Variants in PSMG4 observed in about 807,000 individuals in gnomAD.
PSMG4 encodes the protein proteasome (prosome, macropain) assembly chaperone 4.
A neutral mutation model predicts 11.0 loss-of-function variants in PSMG4; 10 were observed. The ratio of observed to expected loss-of-function variants is 0.91; its 90% CI spans 0.56 to 1.54. The LOEUF is 1.54. PSMG4 is among the 40% of genes most tolerant of loss of function. The pLI, the probability that PSMG4 is intolerant of heterozygous loss-of-function variation, is 0.00. For synonymous variants in PSMG4, 95 were observed against 71.3 expected (o/e 1.33, Z -1.68); for missense variants, 198 against 160.9 (o/e 1.23, Z -1.25).
upstream of PSMG4, among the ~76,000 whole-genome samples, chr6:3,254,451 C>G (rs527876323): frequency 1.1e-3 from 168 of 151,828 alleles, no homozygotes; most frequent in African/African-American, 4.0e-3. Flanking sequence ...TAGTTTTCTG[C>G]TTTTTTTGTG....
intron 1 of PSMG4, 110 bp from the exon 2 acceptor site, chr6:3,263,574 C>T (rs906300109): frequency 3.1e-6 from 3 of 963,334 alleles, no homozygotes; most frequent in Non-Finnish European, 4.5e-6. Flanking sequence ...CCTGTCCTCT[C>T]TGAACCTGCC....
Position 3,259,103 on chromosome 6 carries a change from C to A in PSMG4, c.81C>A (p.His27Gln). 1 of 1,277,466 alleles carries A rather than the reference C, an allele frequency of 7.8e-7. No homozygotes were observed. Among genetic ancestry groups the A allele is most frequent in the Non-Finnish European group, 9.9e-7 (1 of 1,010,470 alleles). 79.1% of individuals were successfully genotyped at this position (1,277,466 alleles called of 1,614,324 possible). A position where few individuals can be genotyped will look rare whatever the true frequency, so the allele number is the denominator to read the frequency against. ...FSARLWEQLV[H>Q]FHVMRLTDSL... ...CGAGGCTGTGGGAGCAGCTGGTCCA[C>A]TTCCACGTCATGCGGCTGACGGACT... The change falls in exon 1 of 3, where the codon CAC (histidine) becomes CAA (glutamine). Residue 27 changes from histidine (H) to glutamine (Q), a missense_variant. By Grantham distance (24) the His-to-Gln change is conservative (BLOSUM62 0). Coordinates refer to ENST00000438998, the MANE Select transcript of PSMG4 (RefSeq NM_001128591.2).
chr6:3,264,618 A>G lies in PSMG4; in HGVS notation c.250+859A>G, dbSNP rs1758116147. On this transcript the variant is annotated intron_variant, in intron 2 of 2. Transcript: ENST00000438998. ...ACAGTATGTGGATAGGACAGAGGTCAGGGAGGGCACAGGTCAGCATTTCAG... is the reference window on the plus strand; with the variant it reads ...ACAGTATGTGGATAGGACAGAGGTCGGGGAGGGCACAGGTCAGCATTTCAG... The G allele has an allele frequency of 1.3e-5, 4 of 296,336 alleles. No individual in the cohort carries two copies. The South Asian group carries it at 3.4e-4, about 25-fold the overall frequency. The allele number at this position is 296,336 out of a possible 1,614,324, so 18.4% of individuals were successfully genotyped here. A position where few individuals can be genotyped will look rare whatever the true frequency, so the allele number is the denominator to read the frequency against.
At chr6:3,266,281 C>T (rs1342849461) in intron 2 of PSMG4, 1 of 152,168 alleles carries the variant, frequency 6.6e-6, no homozygotes, top group Non-Finnish European at 1.5e-5. Flanking sequence ...GCTCAGATGG[C>T]AGCAACTGAA....
chr6:3,254,414 C>A (rs771264486), upstream of PSMG4, among the ~76,000 whole-genome samples: 4 of 151,834 alleles, frequency 2.6e-5, no homozygotes, highest in South Asian at 8.3e-4. Context: ...GGTGGCACAT[C>A]TGAGGAGGTA....
At chr6:3,260,892 C>G (rs567328071) in intron 1 of PSMG4, among the ~76,000 whole-genome samples, 1 of 152,358 alleles carries the variant, frequency 6.6e-6, no homozygotes, top group Admixed American at 6.5e-5. Context: ...GCTCTGTTAC[C>G]TCTTAGAGCT....
At chr6:3,262,178 G>A (rs917150281) in intron 1 of PSMG4, among the ~76,000 whole-genome samples, 59 of 152,154 alleles carry the variant, frequency 3.9e-4, no homozygotes, top group African/African-American at 1.4e-3. Context: ...CCCCCCGCCC[G>A]GCCTCTAGGA....
chr6:3,260,309 TGAAGCAAAG>T (rs1757942532), intron 1 of PSMG4, among the ~76,000 whole-genome samples: 1 of 140,368 alleles, frequency 7.1e-6, no homozygotes, highest in Admixed American at 7.0e-5. Flanking sequence ...TTTTTTTTTT[TGAAGCAAAG>T]TCTTGCTCTG....
intron 1 of PSMG4, among the ~76,000 whole-genome samples, chr6:3,260,291 ATTTTTT>A (rs869076629): frequency 1.4e-5 from 1 of 70,842 alleles, no homozygotes; most frequent in Non-Finnish European, 2.5e-5. Context: ...ATATATATAT[ATTTTTT>A]TTTTTTTTTT....
chr6:3,259,998 G>A (rs1757917067), intron 1 of PSMG4, among the ~76,000 whole-genome samples: 1 of 152,120 alleles, frequency 6.6e-6, no homozygotes, highest in Admixed American at 6.5e-5. Context: ...GGGGTACAGT[G>A]TCATTATTAT....
At chr6:3,255,581 C>T (rs930201846), upstream of PSMG4, among the ~76,000 whole-genome samples, 1 of 152,178 alleles carries the variant, frequency 6.6e-6, no homozygotes, top group African/African-American at 2.4e-5. Context: ...AGATGGTTAC[C>T]CAGACCCACT....
In PSMG4 at chr6:3,259,169, C is replaced by T. The variant is rs1455933612; in HGVS notation, c.147C>T (p.Asn49=). ...LWVGATPHLR[N]LAVAMCSRYD... ...TGGGGGCCACGCCGCACCTGCGCAA[C>T]CTCGCCGTGGCCATGTGCAGCCGCT... The change falls in exon 1 of 3, where the codon AAC becomes AAT. Residue 49 remains asparagine, a synonymous_variant. Transcript: ENST00000438998. The T allele has an allele frequency of 3.1e-6, 4 of 1,310,712 alleles. No homozygotes were observed. Among genetic ancestry groups the T allele is most frequent in the African/African-American group, 3.1e-5 (2 of 64,832 alleles). The allele number at this position is 1,310,712 out of a possible 1,614,324, so 81.2% of individuals were successfully genotyped here.
intron 2 of PSMG4, chr6:3,266,690 A>G (rs1292108362): frequency 2.0e-5 from 3 of 151,806 alleles, no homozygotes; most frequent in Non-Finnish European, 2.9e-5. Context: ...TAAAACTTAC[A>G]TTCAGTAGAA....
At chr6:3,255,051 G>A, upstream of PSMG4, 5 of 1,550,696 alleles carry the variant, frequency 3.2e-6, no homozygotes, top group Non-Finnish European at 4.4e-6. Flanking sequence ...CTCTGGACAG[G>A]AACAAACACA....
upstream of PSMG4, among the ~76,000 whole-genome samples, chr6:3,254,849 A>G (rs141930073): frequency 5.1e-3 from 772 of 152,272 alleles, 3 homozygotes; most frequent in Middle Eastern, 0.017. Context: ...AAAACACTTT[A>G]ACTCAGGGTG....
chr6:3,260,291 A>ATATTTTTTTTT lies in PSMG4; in HGVS notation c.174+1096_174+1097insATTTTTTTTTT. On this transcript the variant is annotated intron_variant, in intron 1 of 2. Transcript: ENST00000438998. ...TGTCTTAAATTGTATATATATATAT[A>ATATTTTTTTTT]TTTTTTTTTTTTTTTTTTGAAGCAA... is the stretch of plus-strand genomic sequence containing the variant. Among the ~76,000 whole-genome samples the ATATTTTTTTTT allele has an allele frequency of 8.3e-3, 585 of 70,806 alleles. 6 individuals are homozygous for ATATTTTTTTTT. Among genetic ancestry groups the ATATTTTTTTTT allele is most frequent in the Middle Eastern group, 0.011 (1 of 90 alleles). 46.5% of individuals were successfully genotyped at this position (70,806 alleles called of 152,430 possible). A position where few individuals can be genotyped will look rare whatever the true frequency, so the allele number is the denominator to read the frequency against.
upstream of PSMG4, among the ~76,000 whole-genome samples, chr6:3,256,840 A>G (rs9392470): frequency 1 from 152,132 of 152,324 alleles, 75,971 homozygotes; most frequent in Middle Eastern, 1. Flanking sequence ...GGGTGTGCAG[A>G]CTCTAGAGGA....
At chr6:3,258,312 G>A (rs1757835040), upstream of PSMG4, among the ~76,000 whole-genome samples, 1 of 152,228 alleles carries the variant, frequency 6.6e-6, no homozygotes, top group South Asian at 2.1e-4. Flanking sequence ...GTAGCCCGAG[G>A]CCATGTACAT....
chr6:3,261,085 C>G (rs1757973509), intron 1 of PSMG4, among the ~76,000 whole-genome samples: 1 of 152,188 alleles, frequency 6.6e-6, no homozygotes, highest in Non-Finnish European at 1.5e-5. Flanking sequence ...CTCAGCGAGA[C>G]CCTTCTGAAG....
Sources: allele counts gnomAD v4.1 joint callset (sites outside exome capture counted in the v4.1 genomes callset), GRCh38; gene constraint gnomAD v4.1.1; transcripts MANE v1.5; gene names NCBI Gene and HGNC (gene_info 2026-07-23, HGNC 2026-07-21).